MKLN1: variants seen among roughly 807,000 people sequenced by gnomAD.
MKLN1 encodes muskelin 1.
MKLN1 carries 18 observed loss-of-function variants against 99.0 expected under a neutral mutation model. That is an observed-to-expected ratio of 0.18 (90% CI 0.13 to 0.27). The LOEUF is 0.27. MKLN1 is among the 10% of genes least tolerant of loss of function. MKLN1 has a pLI of 1.00. For synonymous variants in MKLN1, 288 were observed against 293.2 expected (o/e 0.98, Z 0.18); for missense variants, 621 against 875.9 (o/e 0.71, Z 3.67).
chr7:131,249,507 T>G (rs1797544713), intron 3 of MKLN1, among the ~76,000 whole-genome samples: 2 of 152,202 alleles, frequency 1.3e-5, no homozygotes, highest in African/African-American at 4.8e-5. Flanking sequence ...AACAGACATT[T>G]GACCTTGCTA....
Position 131,160,210 on chromosome 7 carries a change from T to C in MKLN1, c.-297+17269T>C, listed in dbSNP as rs995781387. Among the ~76,000 whole-genome samples the C allele has an allele frequency of 3.9e-5, 6 of 152,170 alleles. No individual in the cohort carries two copies. The East Asian group carries it at 5.8e-4, about 15-fold the overall frequency. On this transcript the variant is annotated intron_variant, in intron 2 of 7. Coordinates refer to the MKLN1 transcript ENST00000416992. ...TGTGACTGGCTTCTTTCACTGAGCA[T>C]AATGTTTTCAAGGTTCATCCATATT...
At position 131,421,836 on chromosome 7, in the gene MKLN1, A is replaced by G. The variant is rs183471503; in HGVS notation, c.847+7126A>G. ...GTTGAGGGGAAAAAGTAACTCACTC[A>G]TAATTCCACATTCTAAAAAACCAAT... On this transcript the variant is annotated intron_variant, in intron 8 of 17. Transcript: ENST00000352689. 7.9e-5 allele frequency among the ~76,000 whole-genome samples: 12 copies of G among 152,350 alleles called. No individual in the cohort carries two copies. In the East Asian group the frequency reaches 2.1e-3, roughly 27 times the overall value.
intron 1 of MKLN1, among the ~76,000 whole-genome samples, chr7:131,330,306 T>TC (rs908684626): frequency 2.6e-5 from 4 of 152,244 alleles, no homozygotes; most frequent in African/African-American, 9.6e-5. Context: ...GTTGAAATTG[T>TC]CCACAAAGTG....
intron 3 of MKLN1, among the ~76,000 whole-genome samples, chr7:131,238,158 G>A (rs1354529739): frequency 6.6e-6 from 1 of 151,868 alleles, no homozygotes; most frequent in Non-Finnish European, 1.5e-5. Context: ...AAAAAAACAA[G>A]CAAAAAGCTA....
intron 3 of MKLN1, among the ~76,000 whole-genome samples, chr7:131,300,282 A>G (rs1798356516): frequency 6.6e-6 from 1 of 151,904 alleles, no homozygotes; most frequent in African/African-American, 2.4e-5. Flanking sequence ...GGTGAAGGAG[A>G]TGGCAGGCAG....
intron 3 of MKLN1, among the ~76,000 whole-genome samples, chr7:131,239,650 G>A (rs568358992): frequency 6.6e-6 from 1 of 152,068 alleles, no homozygotes; most frequent in Non-Finnish European, 1.5e-5. Context: ...GAATTTTGAA[G>A]TTTTCTTGTT....
At chr7:131,366,331 T>C (rs1040758181) in intron 1 of MKLN1, among the ~76,000 whole-genome samples, 1 of 152,190 alleles carries the variant, frequency 6.6e-6, no homozygotes, top group Non-Finnish European at 1.5e-5. Flanking sequence ...TTATACTTTT[T>C]AAAATACTCT....
intron 3 of MKLN1, among the ~76,000 whole-genome samples, chr7:131,262,130 A>C (rs1797741358): frequency 6.6e-6 from 1 of 152,170 alleles, no homozygotes; most frequent in Non-Finnish European, 1.5e-5. Context: ...ACCTAAAAAA[A>C]GATTTTTTTT....
intron 1 of MKLN1, among the ~76,000 whole-genome samples, chr7:131,130,857 A>G (rs1367118901): frequency 6.6e-6 from 1 of 152,056 alleles, no homozygotes; most frequent in African/African-American, 2.4e-5. Context: ...TCCTAAGACC[A>G]GCCTGGACAA....
At chr7:131,411,524 A>G (rs1010384691) in intron 7 of MKLN1, 141 bp downstream of exon 7, 63 of 644,560 alleles carry the variant, frequency 9.8e-5, no homozygotes, top group African/African-American at 9.5e-4. Context: ...TCTAATCCCA[A>G]TACTTTTGGA....
Position 131,328,036 on chromosome 7 carries a change from C to T in MKLN1, c.98+39C>T, listed in dbSNP as rs557287064. On this transcript the variant is annotated intron_variant, in intron 1 of 17. Coordinates refer to ENST00000352689, the MANE Select transcript of MKLN1 (RefSeq NM_013255.5). ...CTTGAGCTCGTGCTGCCCCACCCTT[C>T]CGCGTCAGCACGGTTGGGCCAGGGG... 1.0e-5 allele frequency: 16 copies of T among 1,606,850 alleles called. No homozygotes were observed. In the Admixed American group the frequency reaches 1.7e-4, roughly 17 times the overall value.
At chr7:131,469,266 A>T (rs1231238383) in intron 15 of MKLN1, among the ~76,000 whole-genome samples, 1 of 152,160 alleles carries the variant, frequency 6.6e-6, no homozygotes, top group Non-Finnish European at 1.5e-5. Context: ...AGAATCTGCC[A>T]TCTCATGGCT....
At chr7:131,428,983 A>C in intron 8 of MKLN1, 50 bp from the exon 9 acceptor site, 1 of 1,477,570 alleles carries the variant, frequency 6.8e-7, no homozygotes, top group Non-Finnish European at 9.4e-7. Flanking sequence ...TTGGGTGCTT[A>C]TGCTTATTTT....
At chr7:131,183,940 G>C (rs1164471727) in intron 2 of MKLN1, among the ~76,000 whole-genome samples, 2 of 151,566 alleles carry the variant, frequency 1.3e-5, no homozygotes, top group African/African-American at 4.9e-5. Context: ...TCCTCTAAAC[G>C]ATCAGTGGAG....
At chr7:131,325,904 G>T (rs576475385), upstream of MKLN1, among the ~76,000 whole-genome samples, 2 of 149,520 alleles carry the variant, frequency 1.3e-5, no homozygotes, top group South Asian at 2.2e-4. Context: ...GAAAAGTGGG[G>T]GGGGGGTGGT....
intron 17 of MKLN1, among the ~76,000 whole-genome samples, chr7:131,484,628 A>T (rs1013463874): frequency 1.3e-5 from 2 of 152,172 alleles, no homozygotes; most frequent in Non-Finnish European, 2.9e-5. Flanking sequence ...TACAGAATCA[A>T]TATCTTCTTT....
intron 1 of MKLN1, among the ~76,000 whole-genome samples, chr7:131,134,459 T>G (rs987001760): frequency 6.6e-6 from 1 of 152,158 alleles, no homozygotes; most frequent in African/African-American, 2.4e-5. Flanking sequence ...CCTGAACCTA[T>G]GCATTCAGTC....
chr7:131,463,670 T>C (rs1462324523), intron 13 of MKLN1, among the ~76,000 whole-genome samples: 1 of 152,180 alleles, frequency 6.6e-6, no homozygotes, highest in Non-Finnish European at 1.5e-5. Flanking sequence ...TCTTTAATGT[T>C]CCCAGATCTT....
chr7:131,308,418 C>T (rs1293155517), intron 3 of MKLN1, among the ~76,000 whole-genome samples: 8 of 152,010 alleles, frequency 5.3e-5, no homozygotes, highest in African/African-American at 1.4e-4. Context: ...TGCATCACTA[C>T]GCCCAGCTAA....
Sources: gnomAD v4.1 joint callset for allele counts (sites outside exome capture counted in the v4.1 genomes callset) on GRCh38, gnomAD v4.1.1 for gene constraint, MANE v1.5 for transcripts, NCBI Gene and HGNC (gene_info 2026-07-23, HGNC 2026-07-21) for gene names.